The following SLIT2 variants were observed in gnomAD, a reference collection of about 807,000 sequenced individuals.
SLIT2 encodes slit homolog 2 protein.
SLIT2 carries 41 observed loss-of-function variants against 185.7 expected under a neutral mutation model. The observed-to-expected ratio is 0.22, with a 90% confidence interval of 0.17 to 0.29. SLIT2 has a LOEUF of 0.29. SLIT2 is among the 10% of genes least tolerant of loss of function. SLIT2 has a pLI of 1.00. For missense variants in SLIT2, 1,571 were observed against 1,909.0 expected (o/e 0.82, Z 3.30); for synonymous variants, 693 against 680.2 (o/e 1.02, Z -0.29).
At chr4:20,607,429 AT>A (rs1274977432) in intron 33 of SLIT2, among the ~76,000 whole-genome samples, 1 of 152,156 alleles carries the variant, frequency 6.6e-6, no homozygotes, top group Non-Finnish European at 1.5e-5. Flanking sequence ...TCTCTCTTGT[AT>A]TTACTTACCA....
chr4:20,370,683 A>T (rs1048743353), intron 4 of SLIT2, among the ~76,000 whole-genome samples: 11 of 152,100 alleles, frequency 7.2e-5, no homozygotes, highest in African/African-American at 2.7e-4. Context: ...TGACCTTGGT[A>T]AATGGCTATG....
At chr4:20,434,579 C>T (rs530191372) in intron 4 of SLIT2, among the ~76,000 whole-genome samples, 6 of 152,084 alleles carry the variant, frequency 3.9e-5, no homozygotes, top group Non-Finnish European at 7.3e-5. Flanking sequence ...AGAAAAGAGT[C>T]TTACGACTAC....
At chr4:20,284,934 A>G (rs969673266) in intron 4 of SLIT2, among the ~76,000 whole-genome samples, 8 of 152,372 alleles carry the variant, frequency 5.3e-5, no homozygotes, top group Admixed American at 3.3e-4. Context: ...ATAGGTTTCT[A>G]AGGGATAGCT....
intron 4 of SLIT2, among the ~76,000 whole-genome samples, chr4:20,344,356 A>C (rs1166451151): frequency 1.3e-5 from 2 of 152,124 alleles, no homozygotes; most frequent in Non-Finnish European, 2.9e-5. Flanking sequence ...GCAATTTGGG[A>C]AGAATTCTTG....
chr4:20,394,423 CAGAATAATA>C (rs1420967313), intron 4 of SLIT2: 1 of 151,912 alleles, frequency 6.6e-6, no homozygotes, highest in African/African-American at 2.4e-5. Flanking sequence ...GCTACCATTT[CAGAATAATA>C]AGATTTTACC....
chr4:20,553,781 G>T, intron 25 of SLIT2, 24 bp from the exon 26 acceptor site: 1 of 1,541,476 alleles, frequency 6.5e-7, no homozygotes, highest in African/African-American at 1.4e-5. Flanking sequence ...ATGTGTGTGT[G>T]CTTCTGTGGT....
intron 4 of SLIT2, among the ~76,000 whole-genome samples, chr4:20,417,448 A>ATG (rs1206554989): frequency 6.8e-6 from 1 of 146,110 alleles, no homozygotes; most frequent in Non-Finnish European, 1.5e-5. Context: ...ATATATATAT[A>ATG]TATATATATA....
intron 4 of SLIT2, among the ~76,000 whole-genome samples, chr4:20,377,015 G>A (rs1196998326): frequency 6.6e-6 from 1 of 151,674 alleles, no homozygotes. Flanking sequence ...AGAACTTAAA[G>A]TATAATTTAA....
At chr4:20,395,901 GA>G (rs1725851111) in intron 4 of SLIT2, among the ~76,000 whole-genome samples, 1 of 151,688 alleles carries the variant, frequency 6.6e-6, no homozygotes, top group Admixed American at 6.6e-5. Flanking sequence ...ATTTTTGAGA[GA>G]CCTTAGACAA....
At chr4:20,597,313 C>G (rs759292304) in intron 32 of SLIT2, among the ~76,000 whole-genome samples, 2 of 152,014 alleles carry the variant, frequency 1.3e-5, no homozygotes, top group Non-Finnish European at 2.9e-5. Flanking sequence ...TGTGATCTAC[C>G]CACTTCGGCC....
chr4:20,267,858 T>A (rs889326819), intron 3 of SLIT2, among the ~76,000 whole-genome samples: 1 of 151,906 alleles, frequency 6.6e-6, no homozygotes, highest in South Asian at 2.1e-4. Flanking sequence ...TGGAACTATA[T>A]CCAGAAACTA....
intron 4 of SLIT2, among the ~76,000 whole-genome samples, chr4:20,276,028 C>T (rs1346541033): frequency 1.3e-5 from 2 of 152,050 alleles, no homozygotes; most frequent in African/African-American, 4.8e-5. Context: ...TATAAGATTA[C>T]TCTGTTAGCT....
intron 4 of SLIT2, among the ~76,000 whole-genome samples, chr4:20,419,631 T>G (rs1381157401): frequency 4.6e-5 from 7 of 151,644 alleles, no homozygotes; most frequent in African/African-American, 1.7e-4. Context: ...AGATGGCATA[T>G]ACCTGGCTGT....
At chr4:20,425,313 T>A (rs925074323) in intron 4 of SLIT2, among the ~76,000 whole-genome samples, 5 of 152,158 alleles carry the variant, frequency 3.3e-5, no homozygotes, top group Non-Finnish European at 7.4e-5. Context: ...ATGTCATTTT[T>A]AAAAAACTCA....
chr4:20,533,501 T>C, intron 17 of SLIT2, 71 bp from the exon 18 acceptor site: 1 of 1,206,036 alleles, frequency 8.3e-7, no homozygotes, highest in South Asian at 1.4e-5. Flanking sequence ...AGAAGAAAAT[T>C]ATCAACTATG....
rs534876431 is a variant in SLIT2 at position 20,586,192 on chromosome 4, AG to A, written c.3089-3451del. On this transcript the variant is annotated intron_variant, in intron 29 of 36. Coordinates refer to ENST00000504154, the MANE Select transcript of SLIT2 (RefSeq NM_004787.4). ...ATCCAATATAATTAAGGAAAATTAA[AG>A]AAACAGTCCAATGAAAACATTCATG... Among the ~76,000 whole-genome samples the A allele has an allele frequency of 2.9e-3, 438 of 152,336 alleles. 2 individuals carry two copies. The highest frequency in any genetic ancestry group is 0.01 in the African/African-American group (416 of 41,572).
At chr4:20,406,798 G>T (rs10006234) in intron 4 of SLIT2, among the ~76,000 whole-genome samples, 100,066 of 139,616 alleles carry the variant, frequency 0.72, 39,241 homozygotes, top group African/African-American at 0.78. Context: ...GTCTAGCAAT[G>T]CCACTTCTAG....
intron 16 of SLIT2, among the ~76,000 whole-genome samples, chr4:20,529,609 T>A (rs1721603422): frequency 6.6e-6 from 1 of 152,214 alleles, no homozygotes; most frequent in Non-Finnish European, 1.5e-5. Flanking sequence ...TTCTGAACAA[T>A]GCAAGAAAAG....
chr4:20,486,367 A>C (rs1049994925), intron 7 of SLIT2, 96 bp downstream of exon 7: 16 of 696,632 alleles, frequency 2.3e-5, no homozygotes. Flanking sequence ...CCACTGGTTT[A>C]CAAGGTAGAC....
Sources: gnomAD v4.1 joint callset for allele counts (sites outside exome capture counted in the v4.1 genomes callset) on GRCh38, gnomAD v4.1.1 for gene constraint, MANE v1.5 for transcripts, NCBI Gene and HGNC (gene_info 2026-07-23, HGNC 2026-07-21) for gene names.